Variants in PPP1R8 observed in about 807,000 individuals in gnomAD.
PPP1R8 encodes the protein protein phosphatase 1 regulatory subunit 8.
A neutral mutation model predicts 31.3 loss-of-function variants in PPP1R8; 4 were observed. The ratio of observed to expected loss-of-function variants is 0.13; its 90% CI spans 0.06 to 0.29. PPP1R8 has a LOEUF of 0.29. PPP1R8 is among the 10% of genes least tolerant of loss of function. The probability of loss-of-function intolerance (pLI) is 1.00; values close to 1 mark genes in which losing one functional copy is unlikely to be tolerated. For synonymous variants in PPP1R8, 170 were observed against 169.7 expected (o/e 1.00, Z -0.01); for missense variants, 254 against 440.1 (o/e 0.58, Z 3.78).
chr1:27,843,853 T>C (rs931872364), intron 5 of PPP1R8, among the ~76,000 whole-genome samples: 2 of 152,144 alleles, frequency 1.3e-5, no homozygotes, highest in Non-Finnish European at 2.9e-5. Context: ...CTCAGGAAGC[T>C]GAGGCAGGAG....
chr1:27,840,668 G>A (rs1269868675), intron 3 of PPP1R8, among the ~76,000 whole-genome samples: 1 of 152,140 alleles, frequency 6.6e-6, no homozygotes, highest in South Asian at 2.1e-4. Context: ...AGCCTGTATG[G>A]CAGCAGAGAA....
Position 27,838,893 on chromosome 1 carries a change from A to G in PPP1R8, c.271+41A>G, listed in dbSNP as rs7540224. On this transcript the variant is annotated intron_variant, in intron 3 of 6. Coordinates refer to ENST00000311772, the MANE Select transcript of PPP1R8 (RefSeq NM_014110.5). ...CCAATTCACATGTTACCTTTAGGCA[A>G]TATGAAAATACTCTTTGGGTTCTTT... is the stretch of plus-strand genomic sequence containing the variant. 33 of 1,450,928 alleles carry G rather than the reference A, an allele frequency of 2.3e-5. 1 individual carries two copies. In the East Asian group the frequency reaches 4.9e-4, roughly 22 times the overall value. The allele number at this position is 1,450,928 out of a possible 1,614,324, so 89.9% of individuals were successfully genotyped here.
intron 3 of PPP1R8, among the ~76,000 whole-genome samples, chr1:27,840,711 CA>C (rs1423123637): frequency 6.6e-6 from 1 of 152,134 alleles, no homozygotes; most frequent in Non-Finnish European, 1.5e-5. Flanking sequence ...GGGGGAACAA[CA>C]GGTCTGAGGA....
intron 6 of PPP1R8, among the ~76,000 whole-genome samples, chr1:27,847,499 T>C (rs2089296799): frequency 7.1e-6 from 1 of 141,118 alleles, no homozygotes; most frequent in African/African-American, 2.7e-5. Flanking sequence ...AGAGCAAGAC[T>C]CTGTCTCAAA....
rs779282699 is a variant in PPP1R8 at position 27,841,180 on chromosome 1, G to A, written c.438G>A (p.Glu146=). ...AAGGAGATGAGAAGATGGGTGGAGA[G>A]GATGATGAACTCAAGGGCTTACTGG... ...AVKGDEKMGG[E]DDELKGLLGL... is the part of the protein sequence containing the mutation. The change falls in exon 4 of 7, where the codon GAG becomes GAA. Residue 146 remains glutamate, a synonymous_variant. Transcript: ENST00000311772. 4 of 1,614,234 alleles carry A rather than the reference G, an allele frequency of 2.5e-6. No individual in the cohort carries two copies. The South Asian group carries it at 3.3e-5, about 13-fold the overall frequency.
intron 4 of PPP1R8, 95 bp downstream of exon 4, chr1:27,841,329 C>T (rs529321268): frequency 1.5e-6 from 2 of 1,325,932 alleles, no homozygotes; most frequent in Non-Finnish European, 2.1e-6. Context: ...AGTGACTTAG[C>T]AGCAGGGGGT....
chr1:27,830,807 G>C lies in PPP1R8; in HGVS notation c.-29G>C, dbSNP rs1337349963. 6.4e-7 allele frequency: 1 copy of C among 1,565,724 alleles called. No homozygotes were observed. Among genetic ancestry groups the C allele is most frequent in the Admixed American group, 1.9e-5 (1 of 52,850 alleles). On this transcript the variant is annotated 5_prime_UTR_variant, in exon 1 of 7. Transcript: ENST00000311772. The stretch of plus-strand genomic sequence containing the variant: ...CTTCCAGTTTCCCGGCGTGCTTAGG[G>C]CGCGCCAAATGGGAGGGGGAGACGC...
chr1:27,837,471 A>G (rs1431780427), intron 2 of PPP1R8, among the ~76,000 whole-genome samples: 3 of 150,424 alleles, frequency 2.0e-5, no homozygotes, highest in African/African-American at 7.3e-5. Flanking sequence ...GGCCACTTAT[A>G]TCTAATAGAA....
chr1:27,834,078 A>G (rs2089137919), intron 2 of PPP1R8, among the ~76,000 whole-genome samples: 1 of 152,262 alleles, frequency 6.6e-6, no homozygotes, highest in Non-Finnish European at 1.5e-5. Context: ...GAATAGCACA[A>G]AGCTTGAAGA....
At chr1:27,844,851 G>A (rs1473619435) in intron 5 of PPP1R8, among the ~76,000 whole-genome samples, 1 of 139,288 alleles carries the variant, frequency 7.2e-6, no homozygotes, top group African/African-American at 2.8e-5. Context: ...CCGAGTAGCT[G>A]GGACTACAGG....
intron 5 of PPP1R8, among the ~76,000 whole-genome samples, chr1:27,844,141 A>G (rs1285197985): frequency 2.0e-5 from 3 of 151,878 alleles, no homozygotes; most frequent in Non-Finnish European, 4.4e-5. Flanking sequence ...TATCTGGGAC[A>G]ACAGGTGCAC....
rs2089341243 is a variant in PPP1R8 at position 27,851,229 on chromosome 1, A to AT, written c.*784dup. ...ATTATGAAGGCAGTTTTCAAAGGATATGACCAGTTGGGGTAATTCAAATTA... is the reference window on the plus strand; with the variant it reads ...ATTATGAAGGCAGTTTTCAAAGGATATTGACCAGTTGGGGTAATTCAAATTA... On this transcript the variant is annotated 3_prime_UTR_variant, in exon 7 of 7. Transcript: ENST00000311772. The AT allele has an allele frequency of 3.6e-6, 1 of 274,640 alleles. No individual in the cohort carries two copies. The highest frequency in any genetic ancestry group is 2.2e-5 in the African/African-American group (1 of 45,636). The allele number at this position is 274,640 out of a possible 1,614,324, so 17.0% of individuals were successfully genotyped here.
intron 1 of PPP1R8, among the ~76,000 whole-genome samples, chr1:27,831,930 A>C (rs1186708897): frequency 6.6e-6 from 1 of 152,218 alleles, no homozygotes; most frequent in Non-Finnish European, 1.5e-5. Context: ...AAAGCAAGCA[A>C]ATGTGTGGCT....
chr1:27,843,459 C>T, intron 5 of PPP1R8, 129 bp downstream of exon 5: 1 of 1,108,336 alleles, frequency 9.0e-7, no homozygotes, highest in Non-Finnish European at 1.3e-6. Flanking sequence ...GAGTTCAAGA[C>T]TAGCCTGGCC....
chr1:27,849,798 A>G (rs1290909559), intron 6 of PPP1R8, among the ~76,000 whole-genome samples: 1 of 151,694 alleles, frequency 6.6e-6, no homozygotes, highest in Non-Finnish European at 1.5e-5. Context: ...AATTAAATTG[A>G]TATGTTTTAC....
intron 6 of PPP1R8, among the ~76,000 whole-genome samples, chr1:27,849,507 T>C (rs1201539312): frequency 3.9e-5 from 6 of 152,172 alleles, no homozygotes; most frequent in Admixed American, 2.6e-4. Flanking sequence ...AAAATGTTTT[T>C]TATTTTTGAG....
intron 6 of PPP1R8, 43 bp downstream of exon 6, chr1:27,847,135 C>T (rs185857422): frequency 1.9e-6 from 3 of 1,589,622 alleles, no homozygotes; most frequent in Non-Finnish European, 2.6e-6. Context: ...GTTTTAAAAC[C>T]TGCTCTTTAG....
chr1:27,834,364 G>C (rs770584654), intron 2 of PPP1R8: 5 of 511,816 alleles, frequency 9.8e-6, no homozygotes, highest in Non-Finnish European at 1.6e-5. Flanking sequence ...GAGAGGCGTA[G>C]ACCTGAGATG....
At chr1:27,845,250 TG>T (rs2089265214) in intron 5 of PPP1R8, among the ~76,000 whole-genome samples, 1 of 149,138 alleles carries the variant, frequency 6.7e-6, no homozygotes, top group Admixed American at 6.7e-5. Context: ...ATTAGCTGGG[TG>T]TGGTGGCGGG....
Sources: gnomAD v4.1 joint callset for allele counts (sites outside exome capture counted in the v4.1 genomes callset) on GRCh38, gnomAD v4.1.1 for gene constraint, MANE v1.5 for transcripts, NCBI Gene and HGNC (gene_info 2026-07-23, HGNC 2026-07-21) for gene names.